The following MPHOSPH8 variants were observed in gnomAD, a reference collection of about 807,000 sequenced individuals.
MPHOSPH8 encodes M-phase phosphoprotein, mpp.
In MPHOSPH8, 45 loss-of-function variants were observed where a neutral mutation model predicts 87.3. That is an observed-to-expected ratio of 0.52 (90% CI 0.41 to 0.66). MPHOSPH8 has a LOEUF of 0.66. Ranked by LOEUF, MPHOSPH8 falls within the 30% of genes least tolerant of loss-of-function variation. The pLI is 0.00. For missense variants in MPHOSPH8, 883 were observed against 1,020.2 expected (o/e 0.87, Z 1.83); for synonymous variants, 366 against 376.9 (o/e 0.97, Z 0.33).
At chr13:19,655,672 C>G (rs758046410) in intron 5 of MPHOSPH8, among the ~76,000 whole-genome samples, 5 of 152,164 alleles carry the variant, frequency 3.3e-5, no homozygotes, top group Non-Finnish European at 7.3e-5. Context: ...GCATGAGCCA[C>G]CATGACTGGC....
intron 5 of MPHOSPH8, among the ~76,000 whole-genome samples, chr13:19,653,437 A>G (rs181134153): frequency 6.6e-6 from 1 of 152,364 alleles, no homozygotes; most frequent in East Asian, 1.9e-4. Flanking sequence ...GACCAAAGGT[A>G]GATAACTCCA....
intron 3 of MPHOSPH8, among the ~76,000 whole-genome samples, 156 bp from the exon 4 acceptor site, chr13:19,648,266 T>A (rs1194728954): frequency 2.0e-5 from 3 of 152,046 alleles, no homozygotes; most frequent in Admixed American, 6.6e-5. Context: ...GAAGCAAAAT[T>A]CTTTTGTGTG....
intron 1 of MPHOSPH8, among the ~76,000 whole-genome samples, chr13:19,636,574 G>A (rs1325319702): frequency 1.3e-5 from 2 of 151,638 alleles, no homozygotes; most frequent in Admixed American, 1.3e-4. Context: ...GACCTCCCAG[G>A]CTCAAACAAT....
At position 19,671,941 on chromosome 13, in the gene MPHOSPH8, T is replaced by C. The variant is rs1445140890; in HGVS notation, c.*66T>C. 2 of 1,519,622 alleles carry C rather than the reference T, an allele frequency of 1.3e-6. No homozygotes were observed. Among genetic ancestry groups the C allele is most frequent in the Non-Finnish European group, 1.8e-6 (2 of 1,095,572 alleles). The allele number at this position is 1,519,622 out of a possible 1,614,324, so 94.1% of individuals were successfully genotyped here. A position where few individuals can be genotyped will look rare whatever the true frequency, so the allele number is the denominator to read the frequency against. ...TCCTATACTCTCTTTGACAGCAGTT[T>C]GGAATTCTTCTAGCACATCTATGTA... is the stretch of plus-strand genomic sequence containing the variant. On this transcript the variant is annotated 3_prime_UTR_variant, in exon 14 of 14. Transcript: ENST00000361479.
intron 11 of MPHOSPH8, among the ~76,000 whole-genome samples, chr13:19,669,028 G>A (rs947656602): frequency 3.3e-5 from 5 of 152,158 alleles, no homozygotes; most frequent in African/African-American, 7.2e-5. Context: ...GTCTGCCGAG[G>A]GGAGGAAGCC....
At position 19,646,967 on chromosome 13, in the gene MPHOSPH8, G is replaced by A; in HGVS notation, c.894G>A (p.Glu298=). ...EEKQNTKSAR[E]RAGQDMGLEH... ...AACAAAACACTAAAAGTGCAAGAGA[G>A]AGAGCAGGGCAGGACATGGGGCTGG... Residue 298 remains glutamate, a synonymous_variant, in exon 3 of 14, where the codon GAG becomes GAA. Transcript: ENST00000361479. The A allele has an allele frequency of 6.3e-7, 1 of 1,593,460 alleles. No individual in the cohort carries two copies. The highest frequency in any genetic ancestry group is 2.2e-5 in the East Asian group (1 of 44,804).
intron 5 of MPHOSPH8, among the ~76,000 whole-genome samples, chr13:19,657,335 G>A (rs1875244963): frequency 1.3e-5 from 2 of 151,922 alleles, no homozygotes; most frequent in Admixed American, 6.6e-5. Flanking sequence ...GGCTAACATG[G>A]TGAAACCCCA....
intron 5 of MPHOSPH8, 46 bp downstream of exon 5, chr13:19,650,306 T>C: frequency 6.3e-7 from 1 of 1,581,122 alleles, no homozygotes; most frequent in Non-Finnish European, 8.6e-7. Flanking sequence ...TAGTGCACCA[T>C]ATTATTTTAC....
chr13:19,642,688 A>G (rs992735437), intron 2 of MPHOSPH8, among the ~76,000 whole-genome samples: 8 of 147,326 alleles, frequency 5.4e-5, no homozygotes, highest in African/African-American at 8.1e-5. Context: ...CCTGGTTTAA[A>G]AAAAAAAAAA....
chr13:19,653,778 C>T (rs989017878), intron 5 of MPHOSPH8, among the ~76,000 whole-genome samples: 1 of 152,096 alleles, frequency 6.6e-6, no homozygotes, highest in African/African-American at 2.4e-5. Context: ...GTATCAATAA[C>T]GAAATCGGTA....
At chr13:19,645,648 C>T (rs1874525511) in intron 2 of MPHOSPH8, among the ~76,000 whole-genome samples, 1 of 150,898 alleles carries the variant, frequency 6.6e-6, no homozygotes, top group South Asian at 2.1e-4. Flanking sequence ...CCCAGCTATT[C>T]GTGAAGCTGA....
chr13:19,650,208 A>C lies in MPHOSPH8; in HGVS notation c.1524A>C (p.Ala508=). The stretch of plus-strand genomic sequence containing the variant: ...CGGATACTTGGGCATACATTGCTGC[A>C]GAAGGTGATCAGGAGGTTTTAGACA... ...DETDTWAYIA[A]EGDQEVLDSV... Residue 508 remains alanine, a synonymous_variant, in exon 5 of 14, where the codon GCA becomes GCC. Transcript: ENST00000361479. The C allele has an allele frequency of 6.2e-7, 1 of 1,614,204 alleles. No homozygotes were observed.
At chr13:19,657,789 G>A (rs1186742771) in intron 5 of MPHOSPH8, among the ~76,000 whole-genome samples, 3 of 152,110 alleles carry the variant, frequency 2.0e-5, no homozygotes, top group Admixed American at 2.0e-4. Flanking sequence ...CATCTGTTCT[G>A]CTTCCACAAT....
At chr13:19,641,297 G>A (rs1482905949) in intron 1 of MPHOSPH8, among the ~76,000 whole-genome samples, 4 of 148,540 alleles carry the variant, frequency 2.7e-5, no homozygotes, top group Non-Finnish European at 4.4e-5. Context: ...TTGGACCACA[G>A]TTACATGCCA....
rs548796644 is a variant in MPHOSPH8, at chr13:19,662,269, T to C, written c.1932+431T>C. On this transcript the variant is annotated intron_variant, in intron 8 of 13. Coordinates refer to ENST00000361479, the MANE Select transcript of MPHOSPH8 (RefSeq NM_017520.4). ...ACGGTCCCATAGCTTTTTAAAAATTTATTTTTAGAAATAAGGTCTCACTCT... is the reference window on the plus strand; with the variant it reads ...ACGGTCCCATAGCTTTTTAAAAATTCATTTTTAGAAATAAGGTCTCACTCT... Among the ~76,000 whole-genome samples the C allele has an allele frequency of 3.2e-4, 48 of 152,284 alleles. 1 individual carries two copies. The highest frequency in any genetic ancestry group is 1.1e-3 in the African/African-American group (45 of 41,556).
At position 19,665,507 on chromosome 13, in the gene MPHOSPH8, T is replaced by C. The variant is rs569163150; in HGVS notation, c.2020-918T>C. Among the ~76,000 whole-genome samples the C allele has an allele frequency of 6.7e-5, 8 of 119,442 alleles. No individual in the cohort carries two copies. The South Asian group carries it at 1.7e-3, about 26-fold the overall frequency. 78.4% of individuals were successfully genotyped at this position (119,442 alleles called of 152,430 possible). On this transcript the variant is annotated intron_variant, in intron 9 of 13. Coordinates refer to ENST00000361479, the MANE Select transcript of MPHOSPH8 (RefSeq NM_017520.4). ...CACTCGCTCTGTCCCGAGCCTGTCC[T>C]GGACGGCGTCCCTAACCTCTGCACT... is the stretch of plus-strand genomic sequence containing the variant.
At chr13:19,642,066 A>G (rs752947553) in intron 1 of MPHOSPH8, 49 bp from the exon 2 acceptor site, 1 of 852,338 alleles carries the variant, frequency 1.2e-6, no homozygotes, top group Non-Finnish European at 1.6e-6. Context: ...TGGAAATTTA[A>G]TCAAGTTAGC....
intron 5 of MPHOSPH8, among the ~76,000 whole-genome samples, chr13:19,656,495 C>T (rs186057000): frequency 1.1e-4 from 16 of 152,160 alleles, no homozygotes; most frequent in African/African-American, 3.9e-4. Flanking sequence ...CGCGGTGGCT[C>T]ACACCTATAA....
intron 12 of MPHOSPH8, chr13:19,670,702 T>C: frequency 9.5e-7 from 1 of 1,056,734 alleles, no homozygotes; most frequent in Non-Finnish European, 1.2e-6. Context: ...AAGCAAAATT[T>C]GCTAGATATA....
Sources: allele counts gnomAD v4.1 joint callset (sites outside exome capture counted in the v4.1 genomes callset), GRCh38; gene constraint gnomAD v4.1.1; transcripts MANE v1.5; gene names NCBI Gene and HGNC (gene_info 2026-07-23, HGNC 2026-07-21).